The following LIPA variants were observed in gnomAD, a reference collection of about 807,000 sequenced individuals.
The protein encoded by LIPA is lipase A, lysosomal acid type.
Under a neutral mutation model 40.6 loss-of-function variants are expected in LIPA, and 26 were observed. The ratio of observed to expected loss-of-function variants is 0.64; its 90% CI spans 0.47 to 0.89. LIPA has a LOEUF of 0.89. LIPA is among the 40% of genes least tolerant of loss of function. The pLI, the probability that LIPA is intolerant of heterozygous loss-of-function variation, is 0.00. For synonymous variants in LIPA, 188 were observed against 168.4 expected, an observed-to-expected ratio of 1.12 and a Z score of -0.90; for missense variants, 455 against 479.6, an observed-to-expected ratio of 0.95 and a Z score of 0.48.
intron 1 of LIPA, among the ~76,000 whole-genome samples, chr10:89,313,575 G>A (rs1326755665): frequency 1.3e-5 from 2 of 152,100 alleles, no homozygotes; most frequent in African/African-American, 2.4e-5. Flanking sequence ...GAAAACATAG[G>A]TTCACACAAA....
At position 89,264,169 on chromosome 10, in the gene LIPA, T is replaced by C. The variant is rs1221792127; in HGVS notation, c.-1-16520A>G. Among the ~76,000 whole-genome samples, 2 of 152,072 alleles carry C rather than the reference T, an allele frequency of 1.3e-5. 1 individual carries two copies. Among genetic ancestry groups the C allele is most frequent in the East Asian group, 3.9e-4 (2 of 5,192 alleles). On this transcript the variant is annotated intron_variant, in intron 1 of 5. Transcript: ENST00000282673. The stretch of plus-strand genomic sequence containing the variant: ...GCAACATGGCAAGCAGGGGGGGTGG[T>C]AGGGGCATGTTTCAGCCCTATTTGT...
At chr10:89,249,654 G>T (rs1843087220) in intron 1 of LIPA, among the ~76,000 whole-genome samples, 1 of 152,096 alleles carries the variant, frequency 6.6e-6, no homozygotes, top group Non-Finnish European at 1.5e-5. Context: ...AGTACTGTCT[G>T]ATCCCATTCA....
intron 6 of LIPA, 54 bp from the exon 7 acceptor site, chr10:89,223,884 A>G: frequency 1.9e-6 from 3 of 1,582,466 alleles, no homozygotes; most frequent in Non-Finnish European, 2.6e-6. Context: ...CTGGTGCATA[A>G]GTCTCCGTGA....
chr10:89,408,186 A>G (rs1316830473), intron 2 of LIPA, among the ~76,000 whole-genome samples: 2 of 152,162 alleles, frequency 1.3e-5, no homozygotes, highest in African/African-American at 4.8e-5. Context: ...CAAACCCTGA[A>G]AAAGAGGTGG....
chr10:89,297,426 G>A (rs754893232), intron 1 of LIPA, among the ~76,000 whole-genome samples: 5 of 152,006 alleles, frequency 3.3e-5, no homozygotes, highest in Non-Finnish European at 5.9e-5. Context: ...GGGAACCGCA[G>A]CTCCCATATC....
chr10:89,315,013 C>A (rs1188443322), intron 1 of LIPA, among the ~76,000 whole-genome samples: 1 of 152,188 alleles, frequency 6.6e-6, no homozygotes. Context: ...AATCTCCATT[C>A]ATTGTGAGCA....
chr10:89,291,235 AT>A (rs1475464652), intron 1 of LIPA, among the ~76,000 whole-genome samples: 5 of 136,278 alleles, frequency 3.7e-5, no homozygotes, highest in South Asian at 2.3e-4. Context: ...CTTCTTCCTC[AT>A]TTTTTCCCCT....
chr10:89,336,552 G>A (rs1400132959), intron 1 of LIPA, among the ~76,000 whole-genome samples: 4 of 152,172 alleles, frequency 2.6e-5, no homozygotes, highest in African/African-American at 4.8e-5. Flanking sequence ...GCCAGTGCTC[G>A]TCCATGGTAA....
chr10:89,249,272 T>A (rs932675631), intron 1 of LIPA, among the ~76,000 whole-genome samples: 3 of 152,252 alleles, frequency 2.0e-5, no homozygotes, highest in Non-Finnish European at 4.4e-5. Context: ...CTGGCAGTGA[T>A]GACTCAAAAT....
intron 2 of LIPA, chr10:89,383,520 G>C: frequency 6.2e-7 from 1 of 1,614,188 alleles, no homozygotes; most frequent in South Asian, 1.1e-5. Flanking sequence ...GCCAGAATGA[G>C]GAAGCCCTGG....
intron 1 of LIPA, among the ~76,000 whole-genome samples, chr10:89,337,398 T>A (rs958076430): frequency 3.9e-5 from 6 of 152,142 alleles, no homozygotes; most frequent in Non-Finnish European, 7.4e-5. Flanking sequence ...TTAATTTTTA[T>A]TCTTACTTTT....
chr10:89,399,660 T>C (rs1270814231), intron 2 of LIPA, among the ~76,000 whole-genome samples: 1 of 152,220 alleles, frequency 6.6e-6, no homozygotes. Flanking sequence ...GTCATTCTTA[T>C]TGAAAATCAT....
rs990548888 is a variant in LIPA, at chr10:89,213,973, A to G, written c.*855T>C. 1 of 152,232 alleles carries G rather than the reference A, an allele frequency of 6.6e-6. No individual in the cohort carries two copies. Among genetic ancestry groups the G allele is most frequent in the African/African-American group, 2.4e-5 (1 of 41,460 alleles). 9.4% of individuals were successfully genotyped at this position (152,232 alleles called of 1,614,324 possible). On this transcript the variant is annotated 3_prime_UTR_variant, in exon 10 of 10. Coordinates refer to ENST00000336233, the MANE Select transcript of LIPA (RefSeq NM_000235.4). Reference sequence around the variant, plus strand: ...CTTTGGCTTCACACAGATGTGATCAATAACGACAGTAGCGGGCTCCAAGAG... The same window carrying G: ...CTTTGGCTTCACACAGATGTGATCAGTAACGACAGTAGCGGGCTCCAAGAG...
chr10:89,313,945 T>C (rs1272757372), intron 1 of LIPA, among the ~76,000 whole-genome samples: 1 of 152,212 alleles, frequency 6.6e-6, no homozygotes, highest in African/African-American at 2.4e-5. Context: ...GTGGTGCTGG[T>C]TGCATAACTG....
At chr10:89,378,142 TAA>T (rs1333427321) in intron 2 of LIPA, 1 of 1,613,986 alleles carries the variant, frequency 6.2e-7, no homozygotes, top group Admixed American at 1.7e-5. Context: ...CACCATGAGG[TAA>T]AGTCTTTCTC....
chr10:89,371,697 G>C (rs1844092560), intron 2 of LIPA, among the ~76,000 whole-genome samples: 1 of 152,174 alleles, frequency 6.6e-6, no homozygotes, highest in South Asian at 2.1e-4. Flanking sequence ...TGCTGCTTTG[G>C]AGGCTTGTGA....
At chr10:89,244,346 T>G (rs1417580206) in intron 3 of LIPA, among the ~76,000 whole-genome samples, 1 of 152,136 alleles carries the variant, frequency 6.6e-6, no homozygotes, top group Non-Finnish European at 1.5e-5. Flanking sequence ...GAATAACAAT[T>G]TGGGCAGGAA....
intron 1 of LIPA, among the ~76,000 whole-genome samples, chr10:89,325,437 T>A (rs1843593069): frequency 6.6e-6 from 1 of 152,212 alleles, no homozygotes; most frequent in African/African-American, 2.4e-5. Context: ...ATAGCACTAT[T>A]CACAATAGCA....
intron 1 of LIPA, chr10:89,339,185 C>T (rs1395705219): frequency 6.2e-7 from 1 of 1,614,020 alleles, no homozygotes; most frequent in Non-Finnish European, 8.5e-7. Flanking sequence ...TCTGGACTGG[C>T]AATTGCGATG....
Sources: gnomAD v4.1 joint callset for allele counts (sites outside exome capture counted in the v4.1 genomes callset) on GRCh38, gnomAD v4.1.1 for gene constraint, MANE v1.5 for transcripts, NCBI Gene and HGNC (gene_info 2026-07-23, HGNC 2026-07-21) for gene names.